Variants in LAMC1 observed in about 807,000 individuals in gnomAD.
The protein encoded by LAMC1 is laminin subunit gamma 1.
LAMC1 carries 38 observed loss-of-function variants against 173.6 expected under a neutral mutation model. The ratio of observed to expected loss-of-function variants is 0.22; its 90% confidence interval spans 0.17 to 0.29. The LOEUF (loss-of-function observed/expected upper bound fraction) is 0.29. Among genes scored for constraint, LAMC1 ranks in the 10% least tolerant of loss-of-function variants. The pLI is 1.00. For missense variants in LAMC1, 1,824 were observed against 2,051.8 expected (o/e 0.89, Z 2.14); for synonymous variants, 746 against 749.1 (o/e 1.00, Z 0.07).
At chr1:183,087,111 A>G (rs1328723735) in intron 1 of LAMC1, among the ~76,000 whole-genome samples, 3 of 152,142 alleles carry the variant, frequency 2.0e-5, no homozygotes, top group African/African-American at 4.8e-5. Flanking sequence ...CTCATCTGTC[A>G]TATGGAATTC....
At chr1:183,088,260 A>G (rs556020633) in intron 1 of LAMC1, among the ~76,000 whole-genome samples, 117 of 152,324 alleles carry the variant, frequency 7.7e-4, no homozygotes, top group Non-Finnish European at 4.7e-4. Flanking sequence ...TTAGAATTCT[A>G]GCCTGTTTTG....
At position 183,024,147 on chromosome 1, in the gene LAMC1, A is replaced by G; in HGVS notation, c.418+13A>G. The G allele has an allele frequency of 6.5e-7, 1 of 1,541,810 alleles. No individual in the cohort carries two copies. The highest frequency in any genetic ancestry group is 8.8e-7 in the Non-Finnish European group (1 of 1,140,616). On this transcript the variant is annotated intron_variant, in intron 1 of 27. Coordinates refer to ENST00000258341, the MANE Select transcript of LAMC1 (RefSeq NM_002293.4). ...ACGCTGCACCTGGGTAAGCGGTGAC[A>G]GCCCCGTCCCCTGCTACTGCTCGCC... is the stretch of plus-strand genomic sequence containing the variant.
At chr1:183,121,256 TAAA>T (rs35349531) in intron 11 of LAMC1, among the ~76,000 whole-genome samples, 4 of 147,512 alleles carry the variant, frequency 2.7e-5, no homozygotes, top group Non-Finnish European at 6.0e-5. Context: ...CTGTCTCTTC[TAAA>T]AAAAAAAAAT....
At chr1:183,108,243 C>G (rs942031370) in intron 2 of LAMC1, 33 bp from the exon 3 acceptor site, 3 of 1,603,160 alleles carry the variant, frequency 1.9e-6, no homozygotes, top group African/African-American at 2.7e-5. Context: ...CCCTCCACTT[C>G]TCTTTTATGT....
chr1:183,128,031 G>A (rs1383218293), intron 17 of LAMC1, among the ~76,000 whole-genome samples: 1 of 152,212 alleles, frequency 6.6e-6, no homozygotes, highest in East Asian at 1.9e-4. Context: ...GGATAAATAT[G>A]CGTGTTTGGG....
chr1:183,115,263 C>T (rs1368204513), intron 5 of LAMC1, among the ~76,000 whole-genome samples: 1 of 151,992 alleles, frequency 6.6e-6, no homozygotes, highest in African/African-American at 2.4e-5. Flanking sequence ...TCATTGGGTA[C>T]AAAGTGATTT....
At chr1:183,071,349 C>G (rs191298829) in intron 1 of LAMC1, among the ~76,000 whole-genome samples, 1 of 151,598 alleles carries the variant, frequency 6.6e-6, no homozygotes, top group East Asian at 2.0e-4. Flanking sequence ...GAAGCTGTGT[C>G]CAGATACAGC....
intron 1 of LAMC1, among the ~76,000 whole-genome samples, chr1:183,025,327 T>A (rs1653658331): frequency 8.9e-6 from 1 of 111,904 alleles, no homozygotes; most frequent in Non-Finnish European, 2.0e-5. Flanking sequence ...GAGAAAGAAT[T>A]GGACTTAACA....
intron 1 of LAMC1, among the ~76,000 whole-genome samples, chr1:183,059,475 C>G (rs1341372976): frequency 6.6e-6 from 1 of 152,128 alleles, no homozygotes; most frequent in African/African-American, 2.4e-5. Flanking sequence ...AAGCCAAGAT[C>G]ATGCCATTCT....
chr1:183,036,396 C>CTTTTTTT (rs768370901), intron 1 of LAMC1, among the ~76,000 whole-genome samples: 2 of 96,594 alleles, frequency 2.1e-5, no homozygotes, highest in African/African-American at 4.0e-5. Context: ...CCACGCCAGT[C>CTTTTTTT]TTTTTTTTTT....
chr1:183,039,494 G>A (rs1040476152), intron 1 of LAMC1, among the ~76,000 whole-genome samples: 1 of 152,188 alleles, frequency 6.6e-6, no homozygotes, highest in African/African-American at 2.4e-5. Context: ...CAAATTATGA[G>A]CATTTGTGGG....
rs781750598 is a variant in LAMC1, at chr1:183,023,838, C to T, written c.122C>T (p.Thr41Met). The change falls in exon 1 of 28, where the codon ACG becomes ATG. Residue 41 changes from threonine (T) to methionine (M), a missense_variant. Thr to Met is a moderately conservative substitution (Grantham distance 81). Coordinates refer to ENST00000258341, the MANE Select transcript of LAMC1 (RefSeq NM_002293.4). ...GCAQAAMDEC[T>M]DEGGRPQRCM... ...GCCCAGGCAGCCATGGACGAGTGCA[C>T]GGACGAGGGCGGGCGGCCGCAGCGC... 1.2e-6 allele frequency: 2 copies of T among 1,600,586 alleles called. No homozygotes were observed. Among genetic ancestry groups the T allele is most frequent in the South Asian group, 1.1e-5 (1 of 88,960 alleles).
Position 183,085,362 on chromosome 1 carries a change from CTTGT to C in LAMC1, c.419-17959_419-17956del, listed in dbSNP as rs1256224319. 1.4e-4 allele frequency among the ~76,000 whole-genome samples: 21 copies of C among 151,510 alleles called. No homozygotes were observed. In the East Asian group the frequency reaches 4.1e-3, roughly 29 times the overall value. On this transcript the variant is annotated intron_variant, in intron 1 of 27. Coordinates refer to ENST00000258341, the MANE Select transcript of LAMC1 (RefSeq NM_002293.4). ...ATTGTCCCCATTTTTTGTTTGTTTT[CTTGT>C]TTGTTTTGTTTTTTGAGTCAGGATC...
intron 11 of LAMC1, among the ~76,000 whole-genome samples, chr1:183,119,749 A>G (rs1656418727): frequency 6.6e-6 from 1 of 152,182 alleles, no homozygotes; most frequent in Non-Finnish European, 1.5e-5. Context: ...AAAGTAAAAT[A>G]AATAAATAAG....
intron 1 of LAMC1, among the ~76,000 whole-genome samples, chr1:183,033,934 G>A (rs1252197169): frequency 1.3e-5 from 2 of 151,846 alleles, no homozygotes; most frequent in Admixed American, 6.6e-5. Context: ...CCTGACCTCA[G>A]GTGATGCACC....
chr1:183,122,715 T>C lies in LAMC1; in HGVS notation c.2401+464T>C, dbSNP rs1007812229. 1.2e-4 allele frequency among the ~76,000 whole-genome samples: 19 copies of C among 152,198 alleles called. No individual in the cohort carries two copies. In the East Asian group the frequency reaches 2.3e-3, roughly 19 times the overall value. On this transcript the variant is annotated intron_variant, in intron 13 of 27. Coordinates refer to ENST00000258341, the MANE Select transcript of LAMC1 (RefSeq NM_002293.4). ...ATCAAATGTCAGGCTCCATTTGCAT[T>C]CAGACAGCAGAAAGCACATATGGGA...
intron 1 of LAMC1, among the ~76,000 whole-genome samples, chr1:183,069,335 C>A (rs1359161158): frequency 2.6e-5 from 4 of 152,074 alleles, no homozygotes; most frequent in Non-Finnish European, 5.9e-5. Flanking sequence ...AGCTGTTCAT[C>A]AATATATGTA....
At chr1:183,084,408 CTAAGAA>C (rs1358384640) in intron 1 of LAMC1, among the ~76,000 whole-genome samples, 1 of 151,220 alleles carries the variant, frequency 6.6e-6, no homozygotes, top group Non-Finnish European at 1.5e-5. Context: ...GCCATACCTA[CTAAGAA>C]TGACTACATA....
At position 183,121,564 on chromosome 1, in the gene LAMC1, G is replaced by A. The variant is rs549586710; in HGVS notation, c.1991-159G>A. ...GTTTTCTAATTCTCTTCTCCAGGGT[G>A]TAGACGTGGATATCTCGTTTAGTGT... is the stretch of plus-strand genomic sequence containing the variant. On this transcript the variant is annotated intron_variant, in intron 11 of 27. Coordinates refer to ENST00000258341, the MANE Select transcript of LAMC1 (RefSeq NM_002293.4). Among the ~76,000 whole-genome samples, 96 of 152,316 alleles carry A rather than the reference G, an allele frequency of 6.3e-4. 1 individual carries two copies. The Middle Eastern group carries it at 0.024, about 38-fold the overall frequency.
Sources: gnomAD v4.1 joint callset for allele counts (sites outside exome capture counted in the v4.1 genomes callset) on GRCh38, gnomAD v4.1.1 for gene constraint, MANE v1.5 for transcripts, NCBI Gene and HGNC (gene_info 2026-07-23, HGNC 2026-07-21) for gene names.